CPS1: variants seen among roughly 807,000 people sequenced by gnomAD.
CPS1 encodes the protein carbamoyl-phosphate synthase 1.
In CPS1, 109 loss-of-function variants were observed where a neutral mutation model predicts 174.6. The observed-to-expected ratio is 0.62, with a 90% CI of 0.53 to 0.73. The LOEUF is 0.73. CPS1 is among the 30% of genes least tolerant of loss of function. CPS1 has a pLI of 0.00. For missense variants in CPS1, 1,689 were observed against 1,821.9 expected, an observed-to-expected ratio of 0.93 and a Z score of 1.33; for synonymous variants, 637 against 632.0, an observed-to-expected ratio of 1.01 and a Z score of -0.12.
At chr2:210,673,640 C>G (rs1701396675) in intron 34 of CPS1, 2 of 152,046 alleles carry the variant, frequency 1.3e-5, no homozygotes, top group African/African-American at 2.4e-5. Flanking sequence ...GGGCAGGAAT[C>G]TAGTTTTTAG....
intron 1 of CPS1, 82 bp from the exon 2 acceptor site, chr2:210,573,216 T>C: frequency 8.4e-7 from 1 of 1,186,682 alleles, no homozygotes. Context: ...TTATTTAATA[T>C]GTCTGTGTAT....
chr2:210,641,042 C>T lies in CPS1; in HGVS notation c.2959+983C>T, dbSNP rs562683321. 2.0e-5 allele frequency among the ~76,000 whole-genome samples: 3 copies of T among 152,282 alleles called. No individual in the cohort carries two copies. The South Asian group carries it at 6.2e-4, about 32-fold the overall frequency. ...TAAGATGGCGCCTTAAACCTTGTGC[C>T]TCCTATAAGGAAGGAATGCTGTCTT... On this transcript the variant is annotated intron_variant, in intron 24 of 37. Coordinates refer to ENST00000233072, the MANE Select transcript of CPS1 (RefSeq NM_001875.5).
chr2:210,562,793 G>A (rs1697146846), intron 1 of CPS1, among the ~76,000 whole-genome samples: 1 of 151,522 alleles, frequency 6.6e-6, no homozygotes, highest in Admixed American at 6.6e-5. Flanking sequence ...TGATTCAACA[G>A]CAATACCATA....
rs79955140 is a variant in CPS1, at chr2:210,522,414, A to T, written c.4-34305A>T. 7.3e-3 allele frequency among the ~76,000 whole-genome samples: 1,110 copies of T among 151,982 alleles called. 8 individuals carry two copies. The highest frequency in any genetic ancestry group is 0.025 in the African/African-American group (1,048 of 41,504). ...TTTTTTTAAACTTTAGCTAGAGTAG[A>T]TTTTGTTGTTTGCAAGTCAGAAATC... On this transcript the variant is annotated intron_variant, in intron 1 of 38. Transcript: ENST00000430249.
intron 33 of CPS1, among the ~76,000 whole-genome samples, chr2:210,666,130 A>G (rs1017182348): frequency 6.6e-6 from 1 of 151,970 alleles, no homozygotes; most frequent in Non-Finnish European, 1.5e-5. Context: ...TCTTCTTTTG[A>G]GAAGTGTCTG....
At chr2:210,541,099 C>T (rs1236023711) in intron 1 of CPS1, among the ~76,000 whole-genome samples, 1 of 152,094 alleles carries the variant, frequency 6.6e-6, no homozygotes, top group Admixed American at 6.6e-5. Context: ...AAGCCTGAGG[C>T]ATAGCCCCAA....
intron 1 of CPS1, among the ~76,000 whole-genome samples, chr2:210,501,105 TG>T (rs1183454501): frequency 1.3e-5 from 2 of 152,244 alleles, no homozygotes; most frequent in Admixed American, 6.5e-5. Flanking sequence ...TTTTTAGCCA[TG>T]GCTAGAGTGG....
At chr2:210,634,038 G>A (rs1273576127) in intron 21 of CPS1, among the ~76,000 whole-genome samples, 2 of 152,174 alleles carry the variant, frequency 1.3e-5, no homozygotes, top group African/African-American at 4.8e-5. Flanking sequence ...AAGGCTGAGT[G>A]CATACTTGCA....
chr2:210,625,839 T>G (rs890591258), intron 21 of CPS1, among the ~76,000 whole-genome samples: 4 of 152,084 alleles, frequency 2.6e-5, no homozygotes, highest in African/African-American at 9.7e-5. Context: ...ACTGACAAAT[T>G]GTGTTTGCTC....
intron 16 of CPS1, among the ~76,000 whole-genome samples, chr2:210,603,681 G>A (rs966253934): frequency 1.5e-4 from 22 of 151,652 alleles, no homozygotes; most frequent in African/African-American, 5.3e-4. Context: ...TTATAATAAA[G>A]AGAATTTTGG....
chr2:210,631,020 GTTT>G (rs34869171), intron 21 of CPS1, among the ~76,000 whole-genome samples: 2 of 141,686 alleles, frequency 1.4e-5, no homozygotes. Flanking sequence ...CTTTTGGAGT[GTTT>G]TTTTTTTTTT....
At chr2:210,506,538 C>T (rs7599872) in intron 1 of CPS1, among the ~76,000 whole-genome samples, 147,299 of 152,248 alleles carry the variant, frequency 0.97, 71,430 homozygotes, top group Middle Eastern at 1. Flanking sequence ...GAGAATGACT[C>T]TGACGAGCTG....
At chr2:210,499,499 C>T (rs1038481511) in intron 1 of CPS1, among the ~76,000 whole-genome samples, 6 of 152,146 alleles carry the variant, frequency 3.9e-5, no homozygotes, top group South Asian at 2.1e-4. Flanking sequence ...CCAGAGCAAG[C>T]GCTCCAATCT....
At chr2:210,662,528 T>C (rs1467741822) in intron 32 of CPS1, among the ~76,000 whole-genome samples, 1 of 152,188 alleles carries the variant, frequency 6.6e-6, no homozygotes, top group Non-Finnish European at 1.5e-5. Context: ...TTTTCATGAA[T>C]TGCATCAGTA....
At chr2:210,528,953 G>A (rs1037180994) in intron 1 of CPS1, among the ~76,000 whole-genome samples, 1 of 151,366 alleles carries the variant, frequency 6.6e-6, no homozygotes, top group African/African-American at 2.4e-5. Context: ...GAAAATAGTA[G>A]TGTCGTGAGT....
At chr2:210,517,523 G>A (rs1032448550) in intron 1 of CPS1, among the ~76,000 whole-genome samples, 2 of 151,960 alleles carry the variant, frequency 1.3e-5, no homozygotes, top group African/African-American at 4.8e-5. Flanking sequence ...GCCCCACCTT[G>A]AATCGAGGGA....
intron 1 of CPS1, among the ~76,000 whole-genome samples, chr2:210,512,765 TATATATATATATATATA>T: frequency 1.3e-5 from 1 of 74,550 alleles, no homozygotes; most frequent in Non-Finnish European, 2.3e-5. Flanking sequence ...TATATATATA[TATATATATATATATATA>T]TATGGAGAGA....
intron 22 of CPS1, among the ~76,000 whole-genome samples, chr2:210,638,599 G>A (rs7606346): frequency 0.22 from 33,378 of 151,874 alleles, 7,168 homozygotes; most frequent in African/African-American, 0.56. Context: ...TTGCCCTGTC[G>A]GCCCCAAATT....
chr2:210,595,086 G>A (rs1698442981), intron 12 of CPS1, among the ~76,000 whole-genome samples: 1 of 151,768 alleles, frequency 6.6e-6, no homozygotes, highest in South Asian at 2.1e-4. Flanking sequence ...ATGTATGTTA[G>A]TGTGATAAAG....
Sources: gnomAD v4.1 joint callset for allele counts (sites outside exome capture counted in the v4.1 genomes callset) on GRCh38, gnomAD v4.1.1 for gene constraint, MANE v1.5 for transcripts, NCBI Gene and HGNC (gene_info 2026-07-23, HGNC 2026-07-21) for gene names.